ZNF536: variants seen among roughly 807,000 people sequenced by gnomAD.
ZNF536 encodes the protein zinc finger protein 536.
In ZNF536, 13 loss-of-function variants were observed where a neutral mutation model predicts 84.5. The observed-to-expected ratio is 0.15, with a 90% confidence interval of 0.10 to 0.24. ZNF536 has a LOEUF of 0.24. Ranked by LOEUF, ZNF536 falls within the 10% of genes least tolerant of loss-of-function variation. The pLI is 1.00. For missense variants in ZNF536, 1,536 were observed against 1,747.5 expected (o/e 0.88, Z 2.16); for synonymous variants, 811 against 742.5 (o/e 1.09, Z -1.50).
At chr19:30,696,936 T>C (rs1434750733) in intron 1 of ZNF536, among the ~76,000 whole-genome samples, 1 of 152,230 alleles carries the variant, frequency 6.6e-6, no homozygotes, top group Non-Finnish European at 1.5e-5. Flanking sequence ...TCTGCCTCTC[T>C]CTGGCTTTGT....
chr19:30,610,937 T>G (rs2048083408), intron 1 of ZNF536, among the ~76,000 whole-genome samples: 1 of 152,212 alleles, frequency 6.6e-6, no homozygotes, highest in African/African-American at 2.4e-5. Context: ...GTTATTTACC[T>G]TCACAGTACC....
At chr19:30,466,445 T>C (rs2053398044) in intron 2 of ZNF536, among the ~76,000 whole-genome samples, 1 of 150,016 alleles carries the variant, frequency 6.7e-6, no homozygotes, top group South Asian at 2.1e-4. Flanking sequence ...ATGCCTGTAG[T>C]TGTAGCTACT....
chr19:30,453,696 A>G (rs555099618), intron 2 of ZNF536, among the ~76,000 whole-genome samples: 1 of 152,334 alleles, frequency 6.6e-6, no homozygotes, highest in African/African-American at 2.4e-5. Context: ...GAGTCCCAAA[A>G]CAATGCGTGT....
In ZNF536 at chr19:30,678,323, C is replaced by T. The variant is rs116628068; in HGVS notation, c.170-32434C>T. On this transcript the variant is annotated intron_variant, in intron 1 of 1. Coordinates refer to the ZNF536 transcript ENST00000592773. ...ATTGCTCAGGGTCCTCAGCAGGGGTCGGAGAGGCTCACGGCCTTTCTGGTC... is the reference window on the plus strand; with the variant it reads ...ATTGCTCAGGGTCCTCAGCAGGGGTTGGAGAGGCTCACGGCCTTTCTGGTC... Among the ~76,000 whole-genome samples, 384 of 152,196 alleles carry T rather than the reference C, an allele frequency of 2.5e-3. 2 individuals are homozygous for T. Among genetic ancestry groups the T allele is most frequent in the African/African-American group, 8.3e-3 (346 of 41,522 alleles).
intron 1 of ZNF536, among the ~76,000 whole-genome samples, chr19:30,236,534 G>GC (rs1555771921): frequency 1.5e-5 from 2 of 135,056 alleles, no homozygotes; most frequent in African/African-American, 5.0e-5. Flanking sequence ...TGGGGCGGGG[G>GC]GGGGGTACAA....
chr19:30,285,715 G>T (rs2045601899), intron 2 of ZNF536, among the ~76,000 whole-genome samples: 1 of 152,156 alleles, frequency 6.6e-6, no homozygotes, highest in African/African-American at 2.4e-5. Context: ...TGGCATTATT[G>T]AAATTTTGGA....
chr19:30,584,814 G>A lies in ZNF536; in HGVS notation c.169+35300G>A, dbSNP rs192781496. 5.1e-3 allele frequency among the ~76,000 whole-genome samples: 782 copies of A among 152,284 alleles called. 4 individuals are homozygous for A. The highest frequency in any genetic ancestry group is 8.4e-3 in the Non-Finnish European group (569 of 68,030). ...TCAAAACTACTTTAGAGACAGTCTT[G>A]GTTGGGTGTGGTGGCTCACGCCTGC... On this transcript the variant is annotated intron_variant, in intron 1 of 1. Transcript: ENST00000592773.
chr19:30,630,647 G>T (rs2048855279), intron 1 of ZNF536, among the ~76,000 whole-genome samples: 2 of 152,144 alleles, frequency 1.3e-5, no homozygotes, highest in Admixed American at 6.5e-5. Flanking sequence ...GCCCTCCTTG[G>T]CACAGCCGAC....
intron 1 of ZNF536, among the ~76,000 whole-genome samples, chr19:30,618,659 A>G (rs2048381316): frequency 6.6e-6 from 1 of 152,116 alleles, no homozygotes; most frequent in Non-Finnish European, 1.5e-5. Flanking sequence ...CATTAATAGT[A>G]TAGAAAAGTT....
chr19:30,695,410 C>T (rs953808555), intron 1 of ZNF536, among the ~76,000 whole-genome samples: 1 of 152,178 alleles, frequency 6.6e-6, no homozygotes, highest in African/African-American at 2.4e-5. Flanking sequence ...GAGCCATTAG[C>T]GAACAGTGCC....
At chr19:30,274,256 T>A (rs1052099816) in intron 1 of ZNF536, among the ~76,000 whole-genome samples, 2 of 152,230 alleles carry the variant, frequency 1.3e-5, no homozygotes, top group Non-Finnish European at 2.9e-5. Context: ...TATGACCAAA[T>A]TTGACTGTCG....
rs768617605 is a variant in ZNF536 at position 30,444,884 on chromosome 19, C to T, written c.1322C>T (p.Pro441Leu). The change falls in exon 2 of 5, where the codon CCG becomes CTG. Residue 441 changes from proline (P) to leucine (L), a missense_variant. By Grantham distance (98) the Pro-to-Leu change is moderately conservative (BLOSUM62 -3). Coordinates refer to ENST00000355537, the MANE Select transcript of ZNF536 (RefSeq NM_014717.3). ...TGCCTGCAGAGTGGCTTCATGACCC[C>T]GGACAAAGCCGGCCTGAGCGAGCCC... is the stretch of plus-strand genomic sequence containing the variant. ...LSCLQSGFMT[P>L]DKAGLSEPSQ... 4 of 1,612,168 alleles carry T rather than the reference C, an allele frequency of 2.5e-6. No homozygotes were observed. Among genetic ancestry groups the T allele is most frequent in the South Asian group, 1.1e-5 (1 of 90,912 alleles).
chr19:30,562,770 A>C (rs1485192743), downstream of ZNF536, among the ~76,000 whole-genome samples: 2 of 151,444 alleles, frequency 1.3e-5, no homozygotes, highest in African/African-American at 4.9e-5. Context: ...CTCATCTTGC[A>C]CTCACGGGGC....
At chr19:30,491,581 C>T (rs1181167405) in intron 2 of ZNF536, among the ~76,000 whole-genome samples, 1 of 152,194 alleles carries the variant, frequency 6.6e-6, no homozygotes, top group African/African-American at 2.4e-5. Flanking sequence ...AGTCCTAAGG[C>T]AAACAGTTTG....
intron 1 of ZNF536, among the ~76,000 whole-genome samples, chr19:30,262,235 CCTCATTGTCCT>C (rs1171770482): frequency 6.6e-6 from 1 of 152,246 alleles, no homozygotes; most frequent in African/African-American, 2.4e-5. Context: ...TGGCTGGTCT[CCTCATTGTCCT>C]CTCTTCCTCC....
intron 2 of ZNF536, among the ~76,000 whole-genome samples, chr19:30,311,265 A>G (rs1242914998): frequency 1.4e-4 from 22 of 152,076 alleles, no homozygotes; most frequent in Admixed American, 1.4e-3. Flanking sequence ...GGCCCTTCCT[A>G]CTGAGGACTG....
chr19:30,560,640 T>C (rs921903540), downstream of ZNF536, among the ~76,000 whole-genome samples: 5 of 152,122 alleles, frequency 3.3e-5, no homozygotes, highest in Non-Finnish European at 7.3e-5. Context: ...TGACTTAAGA[T>C]GAGAGAGGCC....
chr19:30,594,461 G>A (rs557364092), intron 1 of ZNF536, among the ~76,000 whole-genome samples: 119 of 152,298 alleles, frequency 7.8e-4, no homozygotes, highest in African/African-American at 2.6e-3. Flanking sequence ...TGAAAGTGGT[G>A]ACCTGCCTGC....
rs1271385278 is a variant in ZNF536, at chr19:30,444,321, C to T, written c.759C>T (p.His253=). 6.3e-7 allele frequency: 1 copy of T among 1,589,570 alleles called. No homozygotes were observed. Among genetic ancestry groups the T allele is most frequent in the Non-Finnish European group, 8.5e-7 (1 of 1,174,620 alleles). The change falls in exon 2 of 5, where the codon CAC becomes CAT. Residue 253 remains histidine, a synonymous_variant. Coordinates refer to ENST00000355537, the MANE Select transcript of ZNF536 (RefSeq NM_014717.3). The part of the protein sequence containing the change: ...QANHSVPDVA[H]PVPSPKPASV... ...ACCACAGCGTTCCCGACGTGGCCCACCCGGTGCCCTCGCCCAAGCCTGCCA... is the reference window on the plus strand; with the variant it reads ...ACCACAGCGTTCCCGACGTGGCCCATCCGGTGCCCTCGCCCAAGCCTGCCA...
Sources: gnomAD v4.1 joint callset for allele counts (sites outside exome capture counted in the v4.1 genomes callset) on GRCh38, gnomAD v4.1.1 for gene constraint, MANE v1.5 for transcripts, NCBI Gene and HGNC (gene_info 2026-07-23, HGNC 2026-07-21) for gene names.